LRRK1: variants seen among roughly 807,000 people sequenced by gnomAD.
LRRK1 encodes the protein leucine-rich repeat serine/threonine-protein kinase 1.
A neutral mutation model predicts 209.1 loss-of-function variants in LRRK1; 113 were observed. The ratio of observed to expected loss-of-function variants is 0.54; its 90% confidence interval spans 0.46 to 0.63. LRRK1 has a LOEUF of 0.63. LRRK1 is among the 30% of genes least tolerant of loss of function. The pLI, the probability that LRRK1 is intolerant of heterozygous loss-of-function variation, is 0.00. For missense variants in LRRK1, 2,284 were observed against 2,632.2 expected, an observed-to-expected ratio of 0.87 and a Z score of 2.89; for synonymous variants, 1,144 against 1,099.7, an observed-to-expected ratio of 1.04 and a Z score of -0.80.
At chr15:101,011,543 G>A (rs2033243237) in intron 9 of LRRK1, among the ~76,000 whole-genome samples, 1 of 151,626 alleles carries the variant, frequency 6.6e-6, no homozygotes, top group Non-Finnish European at 1.5e-5. Flanking sequence ...TTTTGCATCT[G>A]GGGAATTTTG....
chr15:100,940,126 T>C (rs2042373869), intron 2 of LRRK1, among the ~76,000 whole-genome samples: 1 of 152,196 alleles, frequency 6.6e-6, no homozygotes. Context: ...CCTTTGCTGA[T>C]GATGCCATGA....
At chr15:100,958,087 C>T (rs150876788) in intron 2 of LRRK1, among the ~76,000 whole-genome samples, 5 of 152,148 alleles carry the variant, frequency 3.3e-5, no homozygotes, top group African/African-American at 9.7e-5. Flanking sequence ...AACTCCTGAC[C>T]GCAAGTGATC....
chr15:100,929,803 C>A (rs907030084), intron 2 of LRRK1, among the ~76,000 whole-genome samples: 16 of 152,220 alleles, frequency 1.1e-4, no homozygotes, highest in African/African-American at 3.9e-4. Flanking sequence ...AGTTCACCAG[C>A]CCCTCCAGGG....
chr15:101,003,055 A>AT (rs1241005888), intron 6 of LRRK1, among the ~76,000 whole-genome samples: 4 of 152,076 alleles, frequency 2.6e-5, no homozygotes, highest in Non-Finnish European at 5.9e-5. Context: ...TTAACTGTGC[A>AT]TTTTTTCTAG....
chr15:100,946,775 A>G (rs942793143), intron 2 of LRRK1, among the ~76,000 whole-genome samples: 3 of 152,224 alleles, frequency 2.0e-5, no homozygotes, highest in African/African-American at 7.2e-5. Flanking sequence ...CCAAACCTAG[A>G]CATCATAAAT....
At position 101,069,793 on chromosome 15, in the gene LRRK1, G is replaced by C. The variant is rs908662004; in HGVS notation, c.*945G>C. On this transcript the variant is annotated 3_prime_UTR_variant, in exon 34 of 34. Coordinates refer to ENST00000388948, the MANE Select transcript of LRRK1 (RefSeq NM_024652.6). Reference sequence around the variant, plus strand: ...TATTTGCTAAACATTCACTGCACACGTGTACAGCGGAGTACGAAAAGGAAC... The same window carrying C: ...TATTTGCTAAACATTCACTGCACACCTGTACAGCGGAGTACGAAAAGGAAC... 2.0e-5 allele frequency: 3 copies of C among 152,608 alleles called. No homozygotes were observed. Among genetic ancestry groups the C allele is most frequent in the African/African-American group, 7.2e-5 (3 of 41,446 alleles). The allele number at this position is 152,608 out of a possible 1,614,324, so 9.5% of individuals were successfully genotyped here.
rs1339186146 is a variant in LRRK1, at chr15:100,925,742, G to A, written c.97+1013G>A. 4.6e-5 allele frequency among the ~76,000 whole-genome samples: 7 copies of A among 152,244 alleles called. No individual in the cohort carries two copies. In the East Asian group the frequency reaches 5.8e-4, roughly 13 times the overall value. On this transcript the variant is annotated intron_variant, in intron 2 of 33. Coordinates refer to ENST00000388948, the MANE Select transcript of LRRK1 (RefSeq NM_024652.6). ...CGAAATAATGTCATAAAATCCTCAC[G>A]ACAACCTGGCACATGGTACTTTTAT...
At chr15:101,057,484 T>C (rs2035878840) in intron 28 of LRRK1, among the ~76,000 whole-genome samples, 1 of 152,200 alleles carries the variant, frequency 6.6e-6, no homozygotes, top group African/African-American at 2.4e-5. Context: ...GTTTCAAAGT[T>C]AAAACTCATT....
rs2036725754 is a variant in LRRK1, at chr15:101,069,899, T to C, written c.*1051T>C. On this transcript the variant is annotated 3_prime_UTR_variant, in exon 34 of 34. Transcript: ENST00000388948. ...TGCATTACACACATGCACACACATA[T>C]GCACACACATGTGCAAACATAGCCA... 6.6e-6 allele frequency: 1 copy of C among 152,276 alleles called. No homozygotes were observed. Among genetic ancestry groups the C allele is most frequent in the Non-Finnish European group, 1.5e-5 (1 of 68,044 alleles). 9.4% of individuals were successfully genotyped at this position (152,276 alleles called of 1,614,324 possible). A position where few individuals can be genotyped will look rare whatever the true frequency, so the allele number is the denominator to read the frequency against.
intron 12 of LRRK1, among the ~76,000 whole-genome samples, chr15:101,017,763 G>A (rs1311104276): frequency 1.3e-5 from 2 of 152,028 alleles, no homozygotes; most frequent in African/African-American, 2.4e-5. Context: ...CAAAAAGGTT[G>A]GGGACTGTTA....
rs2035291515 is a variant in LRRK1 at position 101,049,722 on chromosome 15, C to A, written c.3378C>A (p.Asp1126Glu). The change falls in exon 23 of 34, where the codon GAC becomes GAA. Residue 1126 changes from aspartate to glutamate, a missense_variant. Coordinates refer to ENST00000388948, the MANE Select transcript of LRRK1 (RefSeq NM_024652.6). ...TTGTTTGCCAATCAGAAGTGAGGGA[C>A]TTCTCAGCCATGGCTTTCATCACGG... is the stretch of plus-strand genomic sequence containing the variant. ...MKIVCQSEVRDFSAMAFITDH... is the reference protein window; with the variant it reads ...MKIVCQSEVREFSAMAFITDH... 8 of 1,614,078 alleles carry A rather than the reference C, an allele frequency of 5.0e-6. No individual in the cohort carries two copies. Among genetic ancestry groups the A allele is most frequent in the Non-Finnish European group, 6.8e-6 (8 of 1,179,954 alleles).
At chr15:101,015,037 A>C (rs928207975) in intron 11 of LRRK1, among the ~76,000 whole-genome samples, 13 of 152,348 alleles carry the variant, frequency 8.5e-5, no homozygotes, top group African/African-American at 3.1e-4. Context: ...CAATAGGTGG[A>C]AAGCCGGGAT....
intron 2 of LRRK1, among the ~76,000 whole-genome samples, chr15:100,954,274 T>C (rs993888519): frequency 1.3e-5 from 2 of 152,202 alleles, no homozygotes; most frequent in Non-Finnish European, 2.9e-5. Context: ...CCTTTTCCTA[T>C]ACCTTTGGTC....
At position 100,987,627 on chromosome 15, in the gene LRRK1, A is replaced by G. The variant is rs1051698902; in HGVS notation, c.434-1007A>G. On this transcript the variant is annotated intron_variant, in intron 4 of 33. Transcript: ENST00000388948. ...TGTGGGAAAGTGTCAGTACTTTAAT[A>G]ATACAATGACACAACATCATGAGTT... Among the ~76,000 whole-genome samples, 8 of 152,196 alleles carry G rather than the reference A, an allele frequency of 5.3e-5. 1 individual carries two copies. Among genetic ancestry groups the G allele is most frequent in the South Asian group, 4.1e-4 (2 of 4,836 alleles).
intron 2 of LRRK1, 88 bp from the exon 3 acceptor site, chr15:100,973,716 G>A: frequency 8.4e-7 from 1 of 1,195,688 alleles, no homozygotes; most frequent in Non-Finnish European, 1.0e-6. Context: ...AACGGGCCGC[G>A]CCGCCTCCTG....
rs1366668427 is a variant in LRRK1, at chr15:101,076,408, T to G, written c.*7560T>G. On this transcript the variant is annotated 3_prime_UTR_variant, in exon 34 of 34. Coordinates refer to ENST00000388948, the MANE Select transcript of LRRK1 (RefSeq NM_024652.6). ...CCGACTTCAATCCAGCCTCCCACAT[T>G]ATTCCTGATACCACACCTGACCCCC... 1.3e-5 allele frequency: 2 copies of G among 151,696 alleles called. No individual in the cohort carries two copies. Among genetic ancestry groups the G allele is most frequent in the Non-Finnish European group, 2.9e-5 (2 of 68,040 alleles). 9.4% of individuals were successfully genotyped at this position (151,696 alleles called of 1,614,324 possible). A position where few individuals can be genotyped will look rare whatever the true frequency, so the allele number is the denominator to read the frequency against.
intron 2 of LRRK1, among the ~76,000 whole-genome samples, chr15:100,926,444 A>G (rs1396742220): frequency 6.6e-6 from 1 of 151,840 alleles, no homozygotes; most frequent in African/African-American, 2.4e-5. Flanking sequence ...GTCATCTGAA[A>G]AAGCCCACAG....
chr15:101,003,817 A>G (rs893728506), intron 6 of LRRK1, among the ~76,000 whole-genome samples: 3 of 152,250 alleles, frequency 2.0e-5, no homozygotes, highest in Middle Eastern at 3.4e-3. Context: ...CTCCAGGCCC[A>G]GCCCACCTTG....
intron 20 of LRRK1, among the ~76,000 whole-genome samples, chr15:101,038,317 A>G (rs953156048): frequency 6.6e-6 from 1 of 152,204 alleles, no homozygotes; most frequent in African/African-American, 2.4e-5. Flanking sequence ...ATCACCACTG[A>G]AGAACTTTAT....
Sources: allele counts gnomAD v4.1 joint callset (sites outside exome capture counted in the v4.1 genomes callset), GRCh38; gene constraint gnomAD v4.1.1; transcripts MANE v1.5; gene names NCBI Gene and HGNC (gene_info 2026-07-23, HGNC 2026-07-21).